RARB: variants seen among roughly 807,000 people sequenced by gnomAD.
RARB encodes the protein retinoic acid receptor beta.
Under a neutral mutation model 51.9 loss-of-function variants are expected in RARB, and 17 were observed. The ratio of observed to expected loss-of-function variants is 0.33; its 90% CI spans 0.22 to 0.49. The LOEUF is 0.49. Among genes scored for constraint, RARB ranks in the 20% least tolerant of loss-of-function variants. The probability of loss-of-function intolerance (pLI) is 0.99; values close to 1 mark genes in which losing one functional copy is unlikely to be tolerated. For synonymous variants in RARB, 215 were observed against 195.4 expected (o/e 1.10, Z -0.84); for missense variants, 369 against 550.8 (o/e 0.67, Z 3.30).
At chr3:25,485,979 G>T (rs1404772308) in intron 2 of RARB, among the ~76,000 whole-genome samples, 1 of 152,222 alleles carries the variant, frequency 6.6e-6, no homozygotes, top group African/African-American at 2.4e-5. Context: ...GGCTTTCACT[G>T]AAGTGGGTTG....
intron 3 of RARB, among the ~76,000 whole-genome samples, chr3:25,516,812 A>G (rs1698187486): frequency 6.6e-6 from 1 of 152,044 alleles, no homozygotes; most frequent in Admixed American, 6.6e-5. Context: ...TTTTTAGCAG[A>G]AATAGGGTTT....
chr3:24,875,155 GT>G (rs530216063), intron 2 of RARB, among the ~76,000 whole-genome samples: 303 of 151,776 alleles, frequency 2.0e-3, no homozygotes, highest in African/African-American at 6.9e-3. Flanking sequence ...AAGTCCTTTT[GT>G]TTTTTTCATT....
intron 3 of RARB, among the ~76,000 whole-genome samples, chr3:25,096,008 T>G (rs1575158341): frequency 1.3e-5 from 2 of 152,168 alleles, no homozygotes; most frequent in African/African-American, 4.8e-5. Flanking sequence ...GTGACTTCTC[T>G]CCTGCCTCTT....
At chr3:25,254,141 T>G (rs1187545759) in intron 5 of RARB, among the ~76,000 whole-genome samples, 1 of 152,174 alleles carries the variant, frequency 6.6e-6, no homozygotes, top group Non-Finnish European at 1.5e-5. Flanking sequence ...CCCTTTCAAT[T>G]GCTTGACATA....
chr3:25,563,791 A>G (rs17016778), intron 3 of RARB, among the ~76,000 whole-genome samples: 36,416 of 152,142 alleles, frequency 0.24, 4,489 homozygotes, highest in East Asian at 0.4. Context: ...CACCAACTGT[A>G]ACTCATTATT....
intron 2 of RARB, among the ~76,000 whole-genome samples, chr3:25,499,609 G>A (rs1370491016): frequency 6.6e-6 from 1 of 152,070 alleles, no homozygotes; most frequent in African/African-American, 2.4e-5. Flanking sequence ...TGCTTCTTTT[G>A]TCAAAATGTG....
At chr3:25,196,628 T>A (rs1159051392) in intron 5 of RARB, among the ~76,000 whole-genome samples, 2 of 152,160 alleles carry the variant, frequency 1.3e-5, no homozygotes, top group Non-Finnish European at 2.9e-5. Context: ...TAGTTCTAGA[T>A]TCTTGAGGAA....
intron 5 of RARB, among the ~76,000 whole-genome samples, chr3:25,222,964 C>T (rs1701978641): frequency 6.6e-6 from 1 of 152,122 alleles, no homozygotes; most frequent in Non-Finnish European, 1.5e-5. Flanking sequence ...TTTAATATCA[C>T]TTCTGTCTTC....
chr3:25,295,873 C>T (rs1703903807), intron 5 of RARB, among the ~76,000 whole-genome samples: 1 of 152,162 alleles, frequency 6.6e-6, no homozygotes, highest in Non-Finnish European at 1.5e-5. Flanking sequence ...CCCTTTACCA[C>T]AGCAGCTAGA....
upstream of RARB, among the ~76,000 whole-genome samples, chr3:25,427,109 A>T (rs536611232): frequency 2.0e-5 from 3 of 152,290 alleles, no homozygotes; most frequent in East Asian, 5.8e-4. Flanking sequence ...GAGGCAACCA[A>T]CATGGCTATT....
chr3:25,428,303 G>A lies in RARB; in HGVS notation c.-429G>A. The A allele has an allele frequency of 1.6e-6, 2 of 1,241,520 alleles. No individual in the cohort carries two copies. Among genetic ancestry groups the A allele is most frequent in the Non-Finnish European group, 2.0e-6 (2 of 993,348 alleles). 76.9% of individuals were successfully genotyped at this position (1,241,520 alleles called of 1,614,324 possible). A position where few individuals can be genotyped will look rare whatever the true frequency, so the allele number is the denominator to read the frequency against. On this transcript the variant is annotated 5_prime_UTR_variant, in exon 1 of 8. Transcript: ENST00000330688. ...GGAAGTGAGCTGTTCAGAGGCAGGA[G>A]GGTCTATTCTTTGCCAAAGGGGGGA... is the stretch of plus-strand genomic sequence containing the variant.
chr3:25,494,549 A>T (rs1341872976), intron 2 of RARB, among the ~76,000 whole-genome samples: 3 of 152,202 alleles, frequency 2.0e-5, no homozygotes, highest in Admixed American at 6.5e-5. Flanking sequence ...GTCTGCTTCC[A>T]TAAAAGTTCT....
intron 3 of RARB, among the ~76,000 whole-genome samples, chr3:25,510,683 T>G (rs1697847141): frequency 6.6e-6 from 1 of 152,214 alleles, no homozygotes; most frequent in African/African-American, 2.4e-5. Context: ...TTTAATGCAG[T>G]ATTTCCCTAA....
chr3:24,945,425 G>T (rs1440439302), intron 2 of RARB, among the ~76,000 whole-genome samples: 2 of 152,202 alleles, frequency 1.3e-5, no homozygotes, highest in Non-Finnish European at 2.9e-5. Flanking sequence ...GCAAATGCCT[G>T]TGAGACATAA....
At chr3:24,941,410 C>G (rs1240606082) in intron 2 of RARB, among the ~76,000 whole-genome samples, 1 of 150,144 alleles carries the variant, frequency 6.7e-6, no homozygotes, top group African/African-American at 2.5e-5. Context: ...CACTTCTTCA[C>G]CCAGGCTGGA....
At chr3:25,109,277 C>CTTTGCATT (rs1699560440) in intron 3 of RARB, among the ~76,000 whole-genome samples, 1 of 151,928 alleles carries the variant, frequency 6.6e-6, no homozygotes, top group African/African-American at 2.4e-5. Flanking sequence ...TTGACTTAAC[C>CTTTGCATT]TTTGCATTTT....
intron 3 of RARB, among the ~76,000 whole-genome samples, chr3:25,568,383 G>A (rs148658857): frequency 7.2e-4 from 110 of 152,278 alleles, no homozygotes; most frequent in Non-Finnish European, 9.8e-4. Flanking sequence ...GTGAGATACC[G>A]TGATACCATG....
At chr3:25,266,712 A>T (rs546600404) in intron 5 of RARB, among the ~76,000 whole-genome samples, 1 of 152,198 alleles carries the variant, frequency 6.6e-6, no homozygotes, top group African/African-American at 2.4e-5. Context: ...GAGTGAGGTC[A>T]TAAGGCTGGA....
At chr3:25,068,993 G>A (rs376027031) in intron 3 of RARB, among the ~76,000 whole-genome samples, 1 of 151,036 alleles carries the variant, frequency 6.6e-6, no homozygotes, top group Non-Finnish European at 1.5e-5. Context: ...GTTCAGGGCA[G>A]GGAGACTAAA....
Sources: allele counts gnomAD v4.1 joint callset (sites outside exome capture counted in the v4.1 genomes callset), GRCh38; gene constraint gnomAD v4.1.1; transcripts MANE v1.5; gene names NCBI Gene and HGNC (gene_info 2026-07-23, HGNC 2026-07-21).